Variants in WDR81 observed in about 807,000 individuals in gnomAD.
WDR81 encodes the protein WD repeat domain 81, also known as WD repeat-containing protein 81.
Under a neutral mutation model 140.8 loss-of-function variants are expected in WDR81, and 92 were observed. That is an observed-to-expected ratio of 0.65 (90% CI 0.55 to 0.78). The LOEUF (loss-of-function observed/expected upper bound fraction) is 0.78. WDR81 is among the 30% of genes least tolerant of loss of function. The probability of loss-of-function intolerance (pLI) is 0.00; values close to 1 mark genes in which losing one functional copy is unlikely to be tolerated. For missense variants in WDR81, 2,502 were observed against 2,636.4 expected (o/e 0.95, Z 1.12); for synonymous variants, 1,183 against 1,156.4 (o/e 1.02, Z -0.47).
rs762005729 is a variant in WDR81 at position 1,727,369 on chromosome 17, C to T, written c.2410C>T (p.Arg804Ter). Residue 804 changes from arginine (R) to a stop codon, truncating the protein, a stop_gained, in exon 1 of 10, where the codon CGA becomes TGA. Transcript: ENST00000409644. LOFTEE classifies it high-confidence loss of function. ...TTTGTGGGTACGCTTCCAGGCTGTCCGAGGGCTCTGCACGCGCCACCCCAA... is the reference window on the plus strand; with the variant it reads ...TTTGTGGGTACGCTTCCAGGCTGTCTGAGGGCTCTGCACGCGCCACCCCAA... ...APLWVRFQAV[R>*]GLCTRHPKEV... 6.5e-6 allele frequency: 10 copies of T among 1,550,174 alleles called. No homozygotes were observed. Among genetic ancestry groups the T allele is most frequent in the Non-Finnish European group, 5.2e-6 (6 of 1,146,976 alleles).
Position 1,725,125 on chromosome 17 carries a change from G to GC in WDR81, c.169dup (p.Leu57ProfsTer70). On this transcript the variant is annotated frameshift_variant, in exon 1 of 10. Transcript: ENST00000409644. LOFTEE classifies it high-confidence loss of function. Reference sequence around the variant, plus strand: ...GGCCCCGGGGGGCACCCACGTGGTGGCCCTAGTGCCTGCGCGCTGGCTGGC... The same window carrying GC: ...GGCCCCGGGGGGCACCCACGTGGTGGCCCCTAGTGCCTGCGCGCTGGCTGGC... 1 of 1,525,560 alleles carries GC rather than the reference G, an allele frequency of 6.6e-7. No individual in the cohort carries two copies. The highest frequency in any genetic ancestry group is 1.4e-5 in the African/African-American group (1 of 72,894). 94.5% of individuals were successfully genotyped at this position (1,525,560 alleles called of 1,614,324 possible).
rs146132048 is a variant in WDR81 at position 1,732,409 on chromosome 17, G to A, written c.4242G>A (p.Gln1414=). The A allele has an allele frequency of 6.2e-7, 1 of 1,613,740 alleles. No individual in the cohort carries two copies. Among genetic ancestry groups the A allele is most frequent in the African/African-American group, 1.3e-5 (1 of 75,060 alleles). The change falls in exon 5 of 10, where the codon CAG becomes CAA. Residue 1414 remains glutamine, a synonymous_variant. Coordinates refer to ENST00000409644, the MANE Select transcript of WDR81 (RefSeq NM_001163809.2). ...LIALICLRIG[Q]EMVQQHLSEP... is the part of the protein sequence containing the mutation. Reference sequence around the variant, plus strand: ...CCCTCATCTGCCTGCGCATTGGACAGGAGATGGTCCAGCAGCACCTGAGCG... The same window carrying A: ...CCCTCATCTGCCTGCGCATTGGACAAGAGATGGTCCAGCAGCACCTGAGCG...
rs1223569182 is a variant in WDR81 at position 1,727,893 on chromosome 17, C to T, written c.2934C>T (p.Gly978=). The T allele has an allele frequency of 6.4e-7, 1 of 1,550,780 alleles. No homozygotes were observed. The highest frequency in any genetic ancestry group is 8.7e-7 in the Non-Finnish European group (1 of 1,147,068). ...ACGAGAGCCCCTGCCAGCTACACGG[C>T]CGCTTCTACCTGTACACGGACTGCT... is the stretch of plus-strand genomic sequence containing the variant. ...GAYESPCQLH[G]RFYLYTDCFV... Residue 978 remains glycine, a synonymous_variant, in exon 1 of 10, where the codon GGC becomes GGT. Coordinates refer to ENST00000409644, the MANE Select transcript of WDR81 (RefSeq NM_001163809.2).
Position 1,725,811 on chromosome 17 carries a change from G to A in WDR81, c.852G>A (p.Leu284=). ...CHRQGLACGA[L]SLYHIAVDEK... ...GCCAGGGGCTGGCGTGTGGGGCCCT[G>A]TCTTTGTATCACATCGCAGTGGATG... The change falls in exon 1 of 10, where the codon CTG becomes CTA. Residue 284 remains leucine, a synonymous_variant. Transcript: ENST00000409644. 1.4e-5 allele frequency: 21 copies of A among 1,550,716 alleles called. No homozygotes were observed. The highest frequency in any genetic ancestry group is 1.7e-5 in the Non-Finnish European group (20 of 1,146,984).
rs150907258 is a variant in WDR81 at position 1,728,534 on chromosome 17, C to G, written c.3575C>G (p.Thr1192Arg). 2 of 1,550,124 alleles carry G rather than the reference C, an allele frequency of 1.3e-6. No individual in the cohort carries two copies. Among genetic ancestry groups the G allele is most frequent in the Non-Finnish European group, 1.7e-6 (2 of 1,143,474 alleles). ...TLSDTVLSME[T>R]VVAGGSGGDG... ...TCTGACACGGTGCTGTCCATGGAGA[C>G]GGTTGTGGCCGGCGGCAGTGGGGGA... Residue 1192 changes from threonine to arginine, a missense_variant, in exon 1 of 10, where the codon ACG (threonine) becomes AGG (arginine). This residue lies in a region of WDR81 where 1,737 missense variants were observed against 1,843.0 expected (regional missense o/e 0.94). Transcript: ENST00000409644.
At chr17:1,720,182 T>C (rs1914788742), upstream of WDR81, among the ~76,000 whole-genome samples, 1 of 152,156 alleles carries the variant, frequency 6.6e-6, no homozygotes, top group African/African-American at 2.4e-5. Context: ...ATGGGCTGAC[T>C]GGTGGGGCAG....
Position 1,726,351 on chromosome 17 carries a change from C to T in WDR81, c.1392C>T (p.Cys464=), listed in dbSNP as rs765117138. The change falls in exon 1 of 10, where the codon TGC becomes TGT. Residue 464 remains cysteine (C), a synonymous_variant. Coordinates refer to ENST00000409644, the MANE Select transcript of WDR81 (RefSeq NM_001163809.2). ...KARRTPRSVL[C]GHVRAQWEPH... is the part of the protein sequence containing the mutation. ...GGCGCACGCCTCGGTCGGTGCTCTG[C>T]GGACACGTCCGCGCGCAGTGGGAGC... The T allele has an allele frequency of 5.0e-5, 77 of 1,547,006 alleles. No homozygotes were observed. Among genetic ancestry groups the T allele is most frequent in the Admixed American group, 1.2e-4 (6 of 50,852 alleles).
chr17:1,727,331 A>G lies in WDR81; in HGVS notation c.2372A>G (p.Gln791Arg), dbSNP rs1278484727. The part of the protein sequence containing the change: ...MVFATRVRTL[Q>R]PDAPLWVRFQ... ...TTTGCCACCAGGGTGCGGACGCTGC[A>G]GCCCGATGCACCTTTGTGGGTACGC... The change falls in exon 1 of 10, where the codon CAG becomes CGG. Residue 791 changes from glutamine (Q) to arginine (R), a missense_variant. Coordinates refer to ENST00000409644, the MANE Select transcript of WDR81 (RefSeq NM_001163809.2). 2 of 1,549,816 alleles carry G rather than the reference A, an allele frequency of 1.3e-6. No homozygotes were observed. The highest frequency in any genetic ancestry group is 2.7e-5 in the African/African-American group (2 of 73,048).
chr17:1,735,323 G>C lies in WDR81; in HGVS notation c.5180-249G>C, dbSNP rs1323122673. On this transcript the variant is annotated intron_variant, in intron 7 of 9. Transcript: ENST00000409644. The surrounding 1 kb of genome is among the most constrained non-coding windows in gnomAD (Gnocchi z 4.2). ...GGACGCCTGTAGTCCCAGCTATTCG[G>C]GAGGCTGAGGCAAGAGAATTGCTTG... 6.6e-6 allele frequency among the ~76,000 whole-genome samples: 1 copy of C among 152,178 alleles called. No homozygotes were observed. Among genetic ancestry groups the C allele is most frequent in the African/African-American group, 2.4e-5 (1 of 41,424 alleles).
In WDR81 at chr17:1,725,801, G is replaced by C; in HGVS notation, c.842G>C (p.Cys281Ser). The C allele has an allele frequency of 6.4e-7, 1 of 1,550,668 alleles. No individual in the cohort carries two copies. The highest frequency in any genetic ancestry group is 8.7e-7 in the Non-Finnish European group (1 of 1,146,990). Reference protein sequence around the residue: ...MDACHRQGLACGALSLYHIAV... With the variant: ...MDACHRQGLASGALSLYHIAV... ...GCCTGTCACCGCCAGGGGCTGGCGT[G>C]TGGGGCCCTGTCTTTGTATCACATC... Residue 281 changes from cysteine to serine, a missense_variant, in exon 1 of 10, where the codon TGT becomes TCT. Transcript: ENST00000409644.
intron 9 of WDR81, 143 bp downstream of exon 9, chr17:1,736,361 G>A (rs1904868660): frequency 6.3e-6 from 7 of 1,103,512 alleles, no homozygotes; most frequent in Non-Finnish European, 8.7e-6. Flanking sequence ...GGGCAGGGAG[G>A]GTAGCCCTCT....
Position 1,731,125 on chromosome 17 carries a change from C to G in WDR81, c.4024C>G (p.Leu1342Val), listed in dbSNP as rs766723276. ...ACTGAACAGCCGTAAGGAGGCGGGG[C>G]TGCTGGCCGCGGTGACGCTGACTCA... is the stretch of plus-strand genomic sequence containing the variant. ...SRLNSRKEAG[L>V]LAAVTLTQKI... is the part of the protein sequence containing the mutation. Residue 1342 changes from leucine to valine, a missense_variant, in exon 4 of 10, where the codon CTG becomes GTG. Leu to Val is a conservative substitution (Grantham distance 32). Coordinates refer to ENST00000409644, the MANE Select transcript of WDR81 (RefSeq NM_001163809.2). The G allele has an allele frequency of 1.2e-6, 2 of 1,613,292 alleles. No homozygotes were observed. The highest frequency in any genetic ancestry group is 3.3e-5 in the Admixed American group (2 of 60,014).
In WDR81 at chr17:1,726,064, T is replaced by C; in HGVS notation, c.1105T>C (p.Leu369=). 1 of 1,547,756 alleles carries C rather than the reference T, an allele frequency of 6.5e-7. No homozygotes were observed. Residue 369 remains leucine, a synonymous_variant, in exon 1 of 10, where the codon TTG becomes CTG. Transcript: ENST00000409644. ...NFHYLMQLNR[L]AGRRQGDPNY... ...CCACTACCTCATGCAGCTGAATCGG[T>C]TGGCAGGTCGGCGGCAGGGGGACCC... is the stretch of plus-strand genomic sequence containing the variant.
intron 4 of WDR81, among the ~76,000 whole-genome samples, chr17:1,731,777 C>CCTGCAATCCCAGGTTCTCGGGAGG (rs1213058256): frequency 2.6e-5 from 4 of 151,526 alleles, no homozygotes; most frequent in African/African-American, 4.9e-5. Context: ...GCAGCAGGTG[C>CCTGCAATCCCAGGTTCTCGGGAGG]CTGCAATCCC....
At chr17:1,723,453 TTATTTTTATTTA>T (rs1407610113), upstream of WDR81, among the ~76,000 whole-genome samples, 14 of 124,868 alleles carry the variant, frequency 1.1e-4, no homozygotes, top group Admixed American at 2.4e-4. Flanking sequence ...TTTTATTTAT[TTATTTTTATTTA>T]TTTATTTATT....
intron 1 of WDR81, among the ~76,000 whole-genome samples, chr17:1,718,912 A>G (rs1410077298): frequency 6.6e-6 from 1 of 152,030 alleles, no homozygotes; most frequent in Non-Finnish European, 1.5e-5. Flanking sequence ...CTCAGCACCC[A>G]CTGGCATTTT....
Position 1,735,855 on chromosome 17 carries a change from A to G in WDR81, c.5325+138A>G, listed in dbSNP as rs1904817568. The G allele has an allele frequency of 2.9e-6, 4 of 1,380,188 alleles. No homozygotes were observed. In the East Asian group the frequency reaches 9.8e-5, roughly 34 times the overall value. The allele number at this position is 1,380,188 out of a possible 1,614,324, so 85.5% of individuals were successfully genotyped here. A position where few individuals can be genotyped will look rare whatever the true frequency, so the allele number is the denominator to read the frequency against. On this transcript the variant is annotated intron_variant, in intron 8 of 9. Coordinates refer to ENST00000409644, the MANE Select transcript of WDR81 (RefSeq NM_001163809.2). This position sits in a 1 kb window ranked among gnomAD's most constrained non-coding sequence, Gnocchi z 4.2. Reference sequence around the variant, plus strand: ...TTCTCTTTGGTGCTAGATCACCCACAGCCACACATCCTGCGGGGCAGGACT... The same window carrying G: ...TTCTCTTTGGTGCTAGATCACCCACGGCCACACATCCTGCGGGGCAGGACT...
chr17:1,723,457 T>TTATTTTTTTTTA (rs60606428), upstream of WDR81, among the ~76,000 whole-genome samples: 5 of 130,538 alleles, frequency 3.8e-5, no homozygotes, highest in South Asian at 2.4e-4. Context: ...ATTTATTTAT[T>TTATTTTTTTTTA]TTTATTTATT....
At chr17:1,736,425 A>G (rs4989024) in intron 9 of WDR81, among the ~76,000 whole-genome samples, 34,600 of 152,080 alleles carry the variant, frequency 0.23, 3,964 homozygotes, top group South Asian at 0.39. Flanking sequence ...GAGGCAGGCC[A>G]TGGGGGCGGG....
Sources: allele counts gnomAD v4.1 joint callset (sites outside exome capture counted in the v4.1 genomes callset), GRCh38; gene constraint gnomAD v4.1.1; regional missense constraint gnomAD v4.1.1; non-coding constraint Gnocchi (gnomAD v3.1); transcripts MANE v1.5; gene names NCBI Gene and HGNC (gene_info 2026-07-23, HGNC 2026-07-21).